GCNT4: variants seen among roughly 807,000 people sequenced by gnomAD.
GCNT4 encodes the protein glucosaminyl (N-acetyl) transferase 4, also known as beta-1,3-galactosyl-O-glycosyl-glycoprotein beta-1,6-N-acetylglucosaminyltransferase 4.
A neutral mutation model predicts 31.3 loss-of-function variants in GCNT4; 17 were observed. The observed-to-expected ratio is 0.54, with a 90% CI of 0.37 to 0.81. The LOEUF (loss-of-function observed/expected upper bound fraction) is 0.81, where lower values mean the gene tolerates loss of function less well. Ranked by LOEUF, GCNT4 falls within the 40% of genes least tolerant of loss-of-function variation. GCNT4 has a pLI of 0.00. For synonymous variants in GCNT4, 158 were observed against 190.6 expected (o/e 0.83, Z 1.41); for missense variants, 503 against 525.5 (o/e 0.96, Z 0.42).
upstream of GCNT4, among the ~76,000 whole-genome samples, chr5:75,053,805 G>A (rs12515285): frequency 0.11 from 16,719 of 152,236 alleles, 1,417 homozygotes; most frequent in African/African-American, 0.21. Flanking sequence ...GTTCTCAGGC[G>A]CGCGCGGTGA....
chr5:75,024,220 T>C (rs982429921), downstream of GCNT4, among the ~76,000 whole-genome samples: 2 of 152,216 alleles, frequency 1.3e-5, no homozygotes, highest in African/African-American at 4.8e-5. Context: ...CAAATCAGTC[T>C]TTAATATGAT....
At chr5:75,042,953 T>C (rs1432977852) in intron 3 of GCNT4, among the ~76,000 whole-genome samples, 2 of 152,154 alleles carry the variant, frequency 1.3e-5, no homozygotes, top group Admixed American at 6.5e-5. Context: ...AAATCTGCAG[T>C]GCTTGGGAAA....
rs767297476 is a variant in GCNT4 at position 75,028,715 on chromosome 5, T to A, written c.1323A>T (p.Glu441Asp). The change falls in exon 4 of 4, where the codon GAA (glutamate) becomes GAT (aspartate). Residue 441 changes from glutamate to aspartate, a missense_variant. Physicochemically the swap from Glu to Asp is conservative, Grantham distance 45. Transcript: ENST00000652361. Reference protein sequence around the residue: ...QQRDWITLPSEKLFMDRNLTT... With the variant: ...QQRDWITLPSDKLFMDRNLTT... ...TGAGATTTCTATCCATAAATAACTT[T>A]TCTGAGGGCAAAGTGATCCAGTCTC... 6.2e-7 allele frequency: 1 copy of A among 1,613,436 alleles called. No individual in the cohort carries two copies. Among genetic ancestry groups the A allele is most frequent in the South Asian group, 1.1e-5 (1 of 90,936 alleles).
intron 3 of GCNT4, 81 bp from the exon 4 acceptor site, chr5:75,030,119 A>AGTATGTGGTAGGCG: frequency 7.6e-7 from 1 of 1,320,578 alleles, no homozygotes; most frequent in Non-Finnish European, 1.0e-6. Flanking sequence ...CTGGGCGCCT[A>AGTATGTGGTAGGCG]CCACATACTA....
At chr5:75,050,249 C>A (rs1035074857) in intron 2 of GCNT4, among the ~76,000 whole-genome samples, 2 of 152,188 alleles carry the variant, frequency 1.3e-5, no homozygotes, top group Non-Finnish European at 2.9e-5. Flanking sequence ...CGCAGTCACA[C>A]GTGCTTTAAA....
Position 75,029,336 on chromosome 5 carries a change from C to A in GCNT4, c.702G>T (p.Lys234Asn), listed in dbSNP as rs891654233. 1 of 1,614,152 alleles carries A rather than the reference C, an allele frequency of 6.2e-7. No homozygotes were observed. The highest frequency in any genetic ancestry group is 2.2e-5 in the East Asian group (1 of 44,882). ...ACTCTGACACCAATTCAAAATTTGA[C>A]TTCAGGGGAAAATCTTGCCCACACA... ...INLCGQDFPL[K>N]SNFELVSELK... Residue 234 changes from lysine to asparagine, a missense_variant, in exon 4 of 4, where the codon AAG (lysine) becomes AAT (asparagine). Physicochemically the swap from Lys to Asn is moderately conservative, Grantham distance 94. Transcript: ENST00000652361.
In GCNT4 at chr5:75,029,473, C is replaced by A. The variant is rs755903691; in HGVS notation, c.565G>T (p.Ala189Ser). 31 of 1,613,960 alleles carry A rather than the reference C, an allele frequency of 1.9e-5. No homozygotes were observed. In the Admixed American group the frequency reaches 4.8e-4, roughly 25 times the overall value. Residue 189 changes from alanine (A) to serine (S), a missense_variant, in exon 4 of 4, where the codon GCT (alanine) becomes TCT (serine). Ala to Ser is a moderately conservative substitution (Grantham distance 99). Transcript: ENST00000652361. The stretch of plus-strand genomic sequence containing the variant: ...TATTCCACAGCCTCTAATTTGGAAG[C>A]AATGAAAATATTGGAGAAGCACTTA... Reference protein sequence around the residue: ...LAKCFSNIFIASKLEAVEYAH... With the variant: ...LAKCFSNIFISSKLEAVEYAH...
chr5:75,032,495 G>A (rs1472192226), intron 3 of GCNT4, among the ~76,000 whole-genome samples: 2 of 152,138 alleles, frequency 1.3e-5, no homozygotes, highest in Non-Finnish European at 2.9e-5. Flanking sequence ...TACCCAACTT[G>A]TCCATTTCAC....
At chr5:75,043,289 T>C (rs889814086) in intron 3 of GCNT4, among the ~76,000 whole-genome samples, 2 of 152,208 alleles carry the variant, frequency 1.3e-5, no homozygotes, top group Non-Finnish European at 2.9e-5. Context: ...AAAAGAGATC[T>C]GTGGGATAAA....
chr5:75,019,012 C>A, the GCNT4 span, among the ~76,000 whole-genome samples: 3 of 152,256 alleles, frequency 2.0e-5, no homozygotes, highest in East Asian at 5.8e-4. Context: ...TTATAAGCTC[C>A]TTTCCTACAA....
intron 3 of GCNT4, among the ~76,000 whole-genome samples, chr5:75,044,504 C>A (rs1427323752): frequency 6.6e-6 from 1 of 151,662 alleles, no homozygotes; most frequent in Non-Finnish European, 1.5e-5. Flanking sequence ...CTGACTCAAA[C>A]GGTTACTGCG....
In GCNT4 at chr5:75,028,957, C is replaced by T; in HGVS notation, c.1081G>A (p.Asp361Asn). The change falls in exon 4 of 4, where the codon GAT becomes AAT. Residue 361 changes from aspartate to asparagine, a missense_variant. Physicochemically the swap from Asp to Asn is conservative, Grantham distance 23. Coordinates refer to ENST00000652361, the MANE Select transcript of GCNT4 (RefSeq NM_001366737.1). ...ACAAGGCGAGTCTTACTCTGCAGAT[C>T]AGACACATCCTGGGCTGATCTGGAA... Reference protein sequence around the residue: ...EISRSAQDVSDLQSKTRLVKW... With the variant: ...EISRSAQDVSNLQSKTRLVKW... The T allele has an allele frequency of 6.2e-7, 1 of 1,613,956 alleles. No homozygotes were observed. Among genetic ancestry groups the T allele is most frequent in the Non-Finnish European group, 8.5e-7 (1 of 1,180,008 alleles).
At chr5:75,053,728 C>G (rs965050250), upstream of GCNT4, among the ~76,000 whole-genome samples, 1 of 152,064 alleles carries the variant, frequency 6.6e-6, no homozygotes, top group East Asian at 2.0e-4. Flanking sequence ...GTAGGAGCGC[C>G]TCCGCGCTCC....
At chr5:75,053,389 C>T (rs1743633943), upstream of GCNT4, among the ~76,000 whole-genome samples, 1 of 152,108 alleles carries the variant, frequency 6.6e-6, no homozygotes. Context: ...AAGTTTTCCC[C>T]GGCGGGAAAA....
chr5:75,034,803 G>A (rs187808545), intron 3 of GCNT4, among the ~76,000 whole-genome samples: 1 of 152,358 alleles, frequency 6.6e-6, no homozygotes, highest in East Asian at 1.9e-4. Context: ...TCCCAATAGG[G>A]ATGTTGAATG....
In GCNT4 at chr5:75,029,815, C is replaced by T. The variant is rs367554166; in HGVS notation, c.223G>A (p.Gly75Ser). ...TCCAAAGGCTCCTGTTCATAGATAC[C>T]CGAACAGTTAACTTCATACCTGACT... ...DEVRYEVNCS[G>S]IYEQEPLEIG... Residue 75 changes from glycine to serine, a missense_variant, in exon 4 of 4, where the codon GGT (glycine) becomes AGT (serine). By Grantham distance (56) the Gly-to-Ser change is moderately conservative. Coordinates refer to ENST00000652361, the MANE Select transcript of GCNT4 (RefSeq NM_001366737.1). The T allele has an allele frequency of 4.3e-6, 7 of 1,613,920 alleles. No individual in the cohort carries two copies. In the African/African-American group the frequency reaches 9.3e-5, roughly 22 times the overall value.
chr5:75,017,800 TGTG>T, the GCNT4 span, among the ~76,000 whole-genome samples: 1 of 152,182 alleles, frequency 6.6e-6, no homozygotes, highest in African/African-American at 2.4e-5. Context: ...CAGCCTCCAA[TGTG>T]GTGGTTTTCA....
At chr5:75,037,424 G>A (rs1370125895) in intron 3 of GCNT4, among the ~76,000 whole-genome samples, 1 of 152,164 alleles carries the variant, frequency 6.6e-6, no homozygotes, top group African/African-American at 2.4e-5. Flanking sequence ...ATCAGATTGT[G>A]AGCAGGTAAA....
intron 2 of GCNT4, among the ~76,000 whole-genome samples, chr5:75,050,993 C>T (rs914329633): frequency 2.0e-5 from 3 of 152,270 alleles, no homozygotes; most frequent in Non-Finnish European, 4.4e-5. Context: ...CCACTCGCCA[C>T]AATGCCCCTT....
Sources: gnomAD v4.1 joint callset for allele counts (sites outside exome capture counted in the v4.1 genomes callset) on GRCh38, gnomAD v4.1.1 for gene constraint, MANE v1.5 for transcripts, NCBI Gene and HGNC (gene_info 2026-07-23, HGNC 2026-07-21) for gene names.